The following FOXP2 variants were observed in gnomAD, a reference collection of about 807,000 sequenced individuals.
FOXP2 encodes forkhead box P2, also known as forkhead box protein P2.
A neutral mutation model predicts 115.8 loss-of-function variants in FOXP2; 12 were observed. The observed-to-expected ratio is 0.10, with a 90% CI of 0.07 to 0.17. The LOEUF is 0.17. Among genes scored for constraint, FOXP2 ranks in the 10% least tolerant of loss-of-function variants. The pLI, the probability that FOXP2 is intolerant of heterozygous loss-of-function variation, is 1.00. For synonymous variants in FOXP2, 328 were observed against 297.7 expected, an observed-to-expected ratio of 1.10 and a Z score of -1.05; for missense variants, 629 against 843.5, an observed-to-expected ratio of 0.75 and a Z score of 3.15.
At chr7:114,123,371 AGAAAG>A (rs995412780) in intron 1 of FOXP2, among the ~76,000 whole-genome samples, 14 of 151,458 alleles carry the variant, frequency 9.2e-5, no homozygotes, top group African/African-American at 3.1e-4. Flanking sequence ...AAAAAAAGAA[AGAAAG>A]AAAGAAAAGC....
intron 2 of FOXP2, among the ~76,000 whole-genome samples, chr7:114,333,315 G>A (rs1306954910): frequency 2.0e-5 from 3 of 152,100 alleles, no homozygotes; most frequent in Non-Finnish European, 4.4e-5. Context: ...TTTTTAGAAC[G>A]AAAAAGCTTA....
intron 1 of FOXP2, among the ~76,000 whole-genome samples, chr7:114,250,503 T>C (rs1219796655): frequency 6.6e-6 from 1 of 152,216 alleles, no homozygotes. Context: ...TCGTGTGAGA[T>C]GGTATCTCAT....
chr7:114,352,501 G>A (rs2129186062), intron 2 of FOXP2, among the ~76,000 whole-genome samples: 2 of 152,164 alleles, frequency 1.3e-5, no homozygotes, highest in East Asian at 3.9e-4. Context: ...TTCTGAACAG[G>A]CTCTTACAGA....
At chr7:114,446,563 T>G (rs1000749956) in intron 2 of FOXP2, among the ~76,000 whole-genome samples, 4 of 152,014 alleles carry the variant, frequency 2.6e-5, no homozygotes, top group Non-Finnish European at 5.9e-5. Context: ...ATATAATCAT[T>G]CTTTATATAC....
chr7:114,319,707 G>A (rs550889980), intron 2 of FOXP2, among the ~76,000 whole-genome samples: 2 of 152,104 alleles, frequency 1.3e-5, no homozygotes, highest in African/African-American at 2.4e-5. Context: ...GGAACTACAC[G>A]ATGAGATTTG....
At chr7:114,224,482 C>G (rs1021942734) in intron 1 of FOXP2, among the ~76,000 whole-genome samples, 1 of 152,118 alleles carries the variant, frequency 6.6e-6, no homozygotes, top group Non-Finnish European at 1.5e-5. Flanking sequence ...GATTTATTCT[C>G]ATATGCCTTG....
At chr7:114,147,026 C>T (rs1792388699) in intron 1 of FOXP2, among the ~76,000 whole-genome samples, 1 of 152,100 alleles carries the variant, frequency 6.6e-6, no homozygotes, top group Non-Finnish European at 1.5e-5. Context: ...GTCAGTGTCC[C>T]TACTTGAATA....
chr7:114,562,067 C>T (rs371611584), intron 3 of FOXP2, among the ~76,000 whole-genome samples: 23 of 152,176 alleles, frequency 1.5e-4, no homozygotes, highest in African/African-American at 5.5e-4. Flanking sequence ...AGCCCACCAC[C>T]ACCTCCACCC....
chr7:114,379,237 A>G (rs1357218935), intron 2 of FOXP2, among the ~76,000 whole-genome samples: 1 of 152,132 alleles, frequency 6.6e-6, no homozygotes, highest in Non-Finnish European at 1.5e-5. Flanking sequence ...CAGGCAATAG[A>G]TGATTGGCTA....
chr7:114,533,626 A>C (rs936280796), intron 2 of FOXP2, among the ~76,000 whole-genome samples: 2 of 151,964 alleles, frequency 1.3e-5, no homozygotes, highest in Admixed American at 1.3e-4. Flanking sequence ...CAAAAACAGT[A>C]AATAACATAT....
intron 3 of FOXP2, among the ~76,000 whole-genome samples, chr7:114,549,526 T>C (rs1022221453): frequency 6.6e-5 from 10 of 152,200 alleles, no homozygotes; most frequent in African/African-American, 2.4e-4. Context: ...CTATGCTATA[T>C]GTGACTCTGC....
At chr7:114,592,077 A>AT (rs1165677141) in intron 3 of FOXP2, among the ~76,000 whole-genome samples, 1 of 152,130 alleles carries the variant, frequency 6.6e-6, no homozygotes, top group Non-Finnish European at 1.5e-5. Context: ...AGATATACAC[A>AT]TATAGAGAGT....
chr7:114,569,677 T>C (rs1343606316), intron 3 of FOXP2, among the ~76,000 whole-genome samples: 1 of 151,822 alleles, frequency 6.6e-6, no homozygotes, highest in Admixed American at 6.6e-5. Context: ...TAGCATCAGG[T>C]GACATACTTC....
At chr7:114,474,377 C>G (rs1796169059) in intron 2 of FOXP2, among the ~76,000 whole-genome samples, 1 of 152,110 alleles carries the variant, frequency 6.6e-6, no homozygotes, top group Non-Finnish European at 1.5e-5. Context: ...AAAGGCTATA[C>G]ACATCAACAA....
At chr7:114,556,497 A>G (rs1486743384) in intron 3 of FOXP2, among the ~76,000 whole-genome samples, 2 of 152,234 alleles carry the variant, frequency 1.3e-5, no homozygotes, top group Non-Finnish European at 2.9e-5. Flanking sequence ...AGCATACAGT[A>G]AAAGAGATGC....
intron 3 of FOXP2, among the ~76,000 whole-genome samples, chr7:114,578,322 A>G (rs1270184603): frequency 3.3e-5 from 5 of 152,064 alleles, no homozygotes; most frequent in African/African-American, 1.2e-4. Flanking sequence ...CCAGATTGCC[A>G]AAATTCAAAG....
At chr7:114,571,550 TG>T (rs1453160054) in intron 3 of FOXP2, among the ~76,000 whole-genome samples, 2 of 151,856 alleles carry the variant, frequency 1.3e-5, no homozygotes, top group Admixed American at 1.3e-4. Context: ...TTCACAGTCA[TG>T]GGTTCTGTAT....
At chr7:114,127,929 G>A (rs564274028) in intron 1 of FOXP2, among the ~76,000 whole-genome samples, 2 of 152,270 alleles carry the variant, frequency 1.3e-5, no homozygotes, top group African/African-American at 4.8e-5. Flanking sequence ...AAAGAAATGT[G>A]TAAGTAAAAT....
At chr7:114,425,230 T>C (rs1207505203) in intron 1 of FOXP2, among the ~76,000 whole-genome samples, 1 of 151,644 alleles carries the variant, frequency 6.6e-6, no homozygotes, top group Admixed American at 6.6e-5. Flanking sequence ...GTTTAAAATA[T>C]TGAAATCATG....
Sources: gnomAD v4.1 joint callset for allele counts (sites outside exome capture counted in the v4.1 genomes callset) on GRCh38, gnomAD v4.1.1 for gene constraint, MANE v1.5 for transcripts, NCBI Gene and HGNC (gene_info 2026-07-23, HGNC 2026-07-21) for gene names.